MYLK: variants seen among roughly 807,000 people sequenced by gnomAD.
The protein encoded by MYLK is myosin light chain kinase.
MYLK carries 106 observed loss-of-function variants against 203.4 expected under a neutral mutation model. That is an observed-to-expected ratio of 0.52 (90% CI 0.45 to 0.61). MYLK has a LOEUF of 0.61. Ranked by LOEUF, MYLK falls within the 20% of genes least tolerant of loss-of-function variation. The pLI, the probability that MYLK is intolerant of heterozygous loss-of-function variation, is 0.00. For missense variants in MYLK, 2,072 were observed against 2,442.3 expected (o/e 0.85, Z 3.20); for synonymous variants, 867 against 959.5 (o/e 0.90, Z 1.78).
intron 31 of MYLK, chr3:123,624,902 G>A (rs758268720): frequency 2.0e-5 from 3 of 152,202 alleles, no homozygotes; most frequent in Non-Finnish European, 4.4e-5. Context: ...TTCAACCTCT[G>A]AGTGACACTC....
chr3:123,882,711 C>T (rs779395619), intron 1 of MYLK, among the ~76,000 whole-genome samples: 1 of 152,146 alleles, frequency 6.6e-6, no homozygotes, highest in South Asian at 2.1e-4. Context: ...CCAACCACTC[C>T]GGACCCAGGA....
chr3:123,638,763 C>T, intron 28 of MYLK: 1 of 985,420 alleles, frequency 1.0e-6, no homozygotes, highest in South Asian at 4.7e-5. Flanking sequence ...CTACTCCTCA[C>T]ACAGCTTCAT....
chr3:123,821,587 C>T (rs917022972), intron 3 of MYLK, among the ~76,000 whole-genome samples: 3 of 152,172 alleles, frequency 2.0e-5, no homozygotes, highest in East Asian at 1.9e-4. Context: ...ACCTTCATCC[C>T]GCACCCAGGG....
intron 2 of MYLK, among the ~76,000 whole-genome samples, chr3:123,846,440 G>C (rs777385895): frequency 1.3e-4 from 19 of 151,922 alleles, no homozygotes; most frequent in Non-Finnish European, 2.2e-4. Context: ...TTCTTTTACT[G>C]CTATATATAG....
intron 3 of MYLK, among the ~76,000 whole-genome samples, chr3:123,796,532 G>A (rs1487138656): frequency 2.0e-5 from 3 of 152,170 alleles, no homozygotes; most frequent in Admixed American, 2.0e-4. Context: ...ATTAGAAGAT[G>A]GGTGATAACC....
chr3:123,811,947 AAC>A (rs1265184891), intron 3 of MYLK, among the ~76,000 whole-genome samples: 1 of 152,214 alleles, frequency 6.6e-6, no homozygotes, highest in Non-Finnish European at 1.5e-5. Context: ...CCCCATTTCT[AAC>A]AGTTATATAA....
intron 19 of MYLK, among the ~76,000 whole-genome samples, chr3:123,687,811 AC>A (rs1303815917): frequency 6.6e-6 from 1 of 152,044 alleles, no homozygotes; most frequent in Non-Finnish European, 1.5e-5. Flanking sequence ...AGCTGGGACT[AC>A]AGGCATGCCC....
At position 123,866,443 on chromosome 3, in the gene MYLK, T is replaced by C. The variant is rs1351669120; in HGVS notation, c.-127+10116A>G. Among the ~76,000 whole-genome samples, 19 of 152,262 alleles carry C rather than the reference T, an allele frequency of 1.2e-4. No individual in the cohort carries two copies. The East Asian group carries it at 3.5e-3, about 28-fold the overall frequency. ...GTATGTGATAGGCATTATTTTAGAA[T>C]TGGATAAAAATCCTTGCCCTCAAGG... On this transcript the variant is annotated intron_variant, in intron 2 of 33. Coordinates refer to ENST00000360304, the MANE Select transcript of MYLK (RefSeq NM_053025.4).
intron 5 of MYLK, among the ~76,000 whole-genome samples, chr3:123,750,453 A>G (rs2063158433): frequency 6.6e-6 from 1 of 152,134 alleles, no homozygotes; most frequent in Non-Finnish European, 1.5e-5. Flanking sequence ...CCTGAACAGT[A>G]GGGATTGAAG....
intron 20 of MYLK, among the ~76,000 whole-genome samples, chr3:123,670,507 C>T (rs538196153): frequency 5.9e-5 from 9 of 152,212 alleles, no homozygotes; most frequent in African/African-American, 1.7e-4. Context: ...GTAATCCCAG[C>T]GCTTTGGGAG....
At chr3:123,672,917 G>GGGATGT (rs1178856011) in intron 20 of MYLK, among the ~76,000 whole-genome samples, 3 of 152,052 alleles carry the variant, frequency 2.0e-5, no homozygotes, top group African/African-American at 7.2e-5. Context: ...CATTTCACTT[G>GGGATGT]GTTCTCATCC....
chr3:123,726,433 T>G (rs576832061), intron 11 of MYLK, among the ~76,000 whole-genome samples: 1 of 152,304 alleles, frequency 6.6e-6, no homozygotes, highest in South Asian at 2.1e-4. Context: ...TGCTTGTTGG[T>G]CCTACTCTAT....
chr3:123,778,699 C>G (rs57674590), intron 4 of MYLK, among the ~76,000 whole-genome samples: 8,953 of 152,236 alleles, frequency 0.059, 861 homozygotes, highest in African/African-American at 0.2. Flanking sequence ...ATGTGCTCGC[C>G]CAGGGGCGGC....
intron 27 of MYLK, among the ~76,000 whole-genome samples, chr3:123,641,208 C>T (rs1049495131): frequency 1.4e-4 from 21 of 152,158 alleles, no homozygotes; most frequent in African/African-American, 5.1e-4. Context: ...TCTGCAGCCA[C>T]AGGCATGCAT....
chr3:123,724,847 C>T lies in MYLK; in HGVS notation c.1651+1097G>A, dbSNP rs141170923. On this transcript the variant is annotated intron_variant, in intron 12 of 33. Transcript: ENST00000360304. ...GCAACCTCTGGCTTCTGGGTTCAAG[C>T]GATTCTCCTGCCTAGCCTCCGGAGT... Among the ~76,000 whole-genome samples the T allele has an allele frequency of 1.7e-4, 26 of 152,184 alleles. No homozygotes were observed. The East Asian group carries it at 3.5e-3, about 20-fold the overall frequency.
chr3:123,633,318 G>A (rs2058511954), intron 29 of MYLK, among the ~76,000 whole-genome samples: 1 of 151,822 alleles, frequency 6.6e-6, no homozygotes, highest in Non-Finnish European at 1.5e-5. Flanking sequence ...GCAGAGATGG[G>A]GTTTTGCCAT....
At chr3:123,859,395 C>T (rs1337046673) in intron 2 of MYLK, among the ~76,000 whole-genome samples, 2 of 152,204 alleles carry the variant, frequency 1.3e-5, no homozygotes, top group African/African-American at 4.8e-5. Flanking sequence ...AGCTTCTCAA[C>T]TAGTCAATTA....
intron 33 of MYLK, chr3:123,616,469 T>C (rs895577405): frequency 6.6e-6 from 1 of 152,210 alleles, no homozygotes; most frequent in South Asian, 2.1e-4. Context: ...TTTAAAGTCA[T>C]ATATATACAT....
At chr3:123,734,288 T>G in intron 9 of MYLK, 66 bp from the exon 10 acceptor site, 1 of 1,419,746 alleles carries the variant, frequency 7.0e-7, no homozygotes, top group Non-Finnish European at 9.4e-7. Flanking sequence ...ATCATCTGGT[T>G]ACTCACAAAT....
Sources: gnomAD v4.1 joint callset for allele counts (sites outside exome capture counted in the v4.1 genomes callset) on GRCh38, gnomAD v4.1.1 for gene constraint, MANE v1.5 for transcripts, NCBI Gene and HGNC (gene_info 2026-07-23, HGNC 2026-07-21) for gene names.